FRMD3: variants seen among roughly 807,000 people sequenced by gnomAD.
FRMD3 encodes FERM domain containing 3, also known as FERM domain-containing protein 3.
A neutral mutation model predicts 70.2 loss-of-function variants in FRMD3; 33 were observed. That is an observed-to-expected ratio of 0.47 (90% CI 0.36 to 0.63). The LOEUF (loss-of-function observed/expected upper bound fraction) is 0.63, where lower values mean the gene tolerates loss of function less well. Among genes scored for constraint, FRMD3 ranks in the 20% least tolerant of loss-of-function variants. FRMD3 has a pLI of 0.00. For missense variants in FRMD3, 632 were observed against 711.4 expected (o/e 0.89, Z 1.27); for synonymous variants, 279 against 255.9 (o/e 1.09, Z -0.86).
chr9:83,247,828 C>T lies in FRMD3; in HGVS notation c.*90G>A. The T allele has an allele frequency of 1.3e-6, 2 of 1,526,588 alleles. No homozygotes were observed. The highest frequency in any genetic ancestry group is 4.5e-5 in the East Asian group (2 of 44,090). The allele number at this position is 1,526,588 out of a possible 1,614,324, so 94.6% of individuals were successfully genotyped here. ...ATTATGAGTAAGGAACACCTGTTGA[C>T]AGCCCCGTGACCCTTCAGAACCAGG... is the stretch of plus-strand genomic sequence containing the variant. On this transcript the variant is annotated 3_prime_UTR_variant, in exon 14 of 14. Transcript: ENST00000304195.
chr9:83,521,233 T>C (rs1454174786), intron 1 of FRMD3, among the ~76,000 whole-genome samples: 3 of 152,064 alleles, frequency 2.0e-5, no homozygotes, highest in Non-Finnish European at 4.4e-5. Context: ...ACTATCACCA[T>C]CCCAACAGCA....
chr9:83,545,109 GT>G, the FRMD3 span, among the ~76,000 whole-genome samples: 1 of 151,986 alleles, frequency 6.6e-6, no homozygotes, highest in Non-Finnish European at 1.5e-5. Context: ...CCAAGAGAAA[GT>G]TGAAAAACAA....
At chr9:83,547,228 A>G in the FRMD3 span, among the ~76,000 whole-genome samples, 3 of 149,012 alleles carry the variant, frequency 2.0e-5, no homozygotes, top group Non-Finnish European at 3.0e-5. Context: ...ATCATTATAT[A>G]GTTATATATA....
At chr9:83,292,654 T>G (rs375775213) in intron 12 of FRMD3, among the ~76,000 whole-genome samples, 2 of 152,100 alleles carry the variant, frequency 1.3e-5, no homozygotes, top group South Asian at 4.1e-4. Flanking sequence ...ATTTTTTATT[T>G]TTTATTTTTT....
At chr9:83,290,524 T>TA (rs895040252) in intron 13 of FRMD3, 79 bp downstream of exon 13, 37 of 1,497,440 alleles carry the variant, frequency 2.5e-5, no homozygotes, top group Non-Finnish European at 3.4e-5. Flanking sequence ...TTACCCATCA[T>TA]ATGCAGAATT....
intron 13 of FRMD3, among the ~76,000 whole-genome samples, chr9:83,261,471 C>A (rs952975190): frequency 2.6e-5 from 4 of 152,106 alleles, no homozygotes; most frequent in African/African-American, 9.7e-5. Context: ...TTCTGTCCTC[C>A]TACAGATCAC....
Position 83,532,484 on chromosome 9 carries a change from A to T in FRMD3, c.147+5601T>A, listed in dbSNP as rs552337879. On this transcript the variant is annotated intron_variant, in intron 1 of 13. Coordinates refer to ENST00000304195, the MANE Select transcript of FRMD3 (RefSeq NM_174938.6). ...GAATTTGATCATACAAAGATTGCCT[A>T]AAAAAAGCCAGGGCTGAGATGACAT... Among the ~76,000 whole-genome samples the T allele has an allele frequency of 2.2e-4, 34 of 152,286 alleles. 1 individual carries two copies. In the South Asian group the frequency reaches 5.4e-3, roughly 24 times the overall value.
At chr9:83,535,205 T>C (rs1178878048) in intron 1 of FRMD3, among the ~76,000 whole-genome samples, 1 of 152,332 alleles carries the variant, frequency 6.6e-6, no homozygotes, top group East Asian at 1.9e-4. Context: ...GGCTGGCTCA[T>C]GAGAGATGCT....
chr9:83,494,874 C>CGT (rs1183104123), intron 1 of FRMD3, among the ~76,000 whole-genome samples: 1 of 121,496 alleles, frequency 8.2e-6, no homozygotes, highest in Non-Finnish European at 1.8e-5. Context: ...CGCGCATGTG[C>CGT]GTGTGTATAT....
chr9:83,405,996 T>C (rs1378499550), intron 1 of FRMD3, among the ~76,000 whole-genome samples: 7 of 152,108 alleles, frequency 4.6e-5, no homozygotes, highest in South Asian at 2.1e-4. Context: ...CTTTTTTTTT[T>C]CCAGCAATTC....
chr9:83,518,978 T>C (rs7863618), intron 1 of FRMD3, among the ~76,000 whole-genome samples: 64,594 of 152,032 alleles, frequency 0.42, 14,348 homozygotes, highest in Non-Finnish European at 0.49. Flanking sequence ...TTACACCTTA[T>C]ACAAAAATTA....
intron 6 of FRMD3, chr9:83,332,102 G>A (rs1259127292): frequency 5.3e-6 from 3 of 560,970 alleles, no homozygotes; most frequent in Non-Finnish European, 9.5e-6. Flanking sequence ...AGCCTTTCTT[G>A]CTCTAAGCCA....
intron 13 of FRMD3, among the ~76,000 whole-genome samples, chr9:83,289,399 C>T (rs1322251394): frequency 6.6e-6 from 1 of 152,218 alleles, no homozygotes; most frequent in Non-Finnish European, 1.5e-5. Context: ...AAGATCCCAT[C>T]TTTCATACTT....
intron 1 of FRMD3, among the ~76,000 whole-genome samples, chr9:83,506,932 C>G (rs1172746568): frequency 6.6e-6 from 1 of 151,956 alleles, no homozygotes; most frequent in Non-Finnish European, 1.5e-5. Context: ...TTATTAAAAT[C>G]TAAGACACAG....
intron 1 of FRMD3, among the ~76,000 whole-genome samples, chr9:83,504,264 C>G (rs937284416): frequency 3.9e-5 from 6 of 152,188 alleles, no homozygotes; most frequent in Non-Finnish European, 8.8e-5. Flanking sequence ...TAAAACTTCT[C>G]ACTATCCAAG....
intron 12 of FRMD3, among the ~76,000 whole-genome samples, chr9:83,291,560 GCA>G (rs924623112): frequency 7.9e-5 from 12 of 151,554 alleles, no homozygotes; most frequent in Admixed American, 1.3e-4. Context: ...TCCTCCCAAT[GCA>G]CACAGTCTCT....
In FRMD3 at chr9:83,538,184, T is replaced by C; in HGVS notation, c.48A>G (p.Lys16=). Residue 16 remains lysine (K), a synonymous_variant, in exon 1 of 14, where the codon AAA becomes AAG. Transcript: ENST00000304195. This position sits in a 1 kb window ranked among gnomAD's most constrained non-coding sequence, Gnocchi z 4.7. ...CGCTGGAGCTCCGAAAGTGGATCAT[T>C]TTCATGGTCCTCCTGCCTCTCGGCA... ...HCVPRGRRTM[K]MIHFRSSSVK... 3.1e-6 allele frequency: 5 copies of C among 1,607,560 alleles called. No individual in the cohort carries two copies. The highest frequency in any genetic ancestry group is 4.2e-6 in the Non-Finnish European group (5 of 1,176,782).
intron 1 of FRMD3, among the ~76,000 whole-genome samples, chr9:83,499,938 A>T (rs907701243): frequency 7.2e-5 from 11 of 152,244 alleles, no homozygotes; most frequent in Non-Finnish European, 1.3e-4. Context: ...ATGAGTTATC[A>T]AGCCACAAAA....
intron 6 of FRMD3, among the ~76,000 whole-genome samples, chr9:83,331,472 G>A (rs11793310): frequency 0.22 from 33,967 of 151,942 alleles, 4,298 homozygotes; most frequent in Admixed American, 0.3. Context: ...TTTAGGACAG[G>A]GAAACTACTC....
Sources: gnomAD v4.1 joint callset for allele counts (sites outside exome capture counted in the v4.1 genomes callset) on GRCh38, gnomAD v4.1.1 for gene constraint, Gnocchi (gnomAD v3.1) non-coding constraint, MANE v1.5 for transcripts, NCBI Gene and HGNC (gene_info 2026-07-23, HGNC 2026-07-21) for gene names.